The following TMLHE variants were observed in gnomAD, a reference collection of about 807,000 sequenced individuals.
TMLHE encodes the protein trimethyllysine hydroxylase, epsilon.
In TMLHE, 18 loss-of-function variants were observed where a neutral mutation model predicts 25.7. The observed-to-expected ratio is 0.70, with a 90% confidence interval of 0.48 to 1.04. The LOEUF is 1.04. Among genes scored for constraint, TMLHE ranks in the 50% least tolerant of loss-of-function variants. The pLI is 0.00. For synonymous variants in TMLHE, 105 were observed against 97.0 expected (o/e 1.08, Z -0.49); for missense variants, 236 against 259.0 (o/e 0.91, Z 0.61).
chrX:155,546,951 TTTC>T (rs2067349098), intron 1 of TMLHE, among the ~76,000 whole-genome samples: 1 of 110,782 alleles, frequency 9.0e-6, no homozygotes, highest in South Asian at 3.9e-4. Flanking sequence ...CAGACTAGAA[TTTC>T]TTCTTTGTAG....
chrX:155,525,995 T>C (rs2067217350), intron 2 of TMLHE, among the ~76,000 whole-genome samples: 1 of 112,770 alleles, frequency 8.9e-6, no homozygotes, highest in Non-Finnish European at 1.9e-5. Context: ...GGTTGTAAAA[T>C]GTGCAGTGAA....
At chrX:155,536,605 TCA>T (rs1471005504) in intron 2 of TMLHE, among the ~76,000 whole-genome samples, 2 of 111,629 alleles carry the variant, frequency 1.8e-5, no homozygotes, top group Non-Finnish European at 3.8e-5. Flanking sequence ...CTCCTTGAAA[TCA>T]CAGGAGAAAT....
At chrX:155,531,387 G>A (rs1211663176) in intron 2 of TMLHE, among the ~76,000 whole-genome samples, 1 of 111,223 alleles carries the variant, frequency 9.0e-6, no homozygotes, top group Non-Finnish European at 1.9e-5. Flanking sequence ...GTGAAGGGGA[G>A]CTAACATGAC....
intron 1 of TMLHE, among the ~76,000 whole-genome samples, chrX:155,576,001 A>C (rs1419763958): frequency 2.7e-5 from 3 of 111,901 alleles, no homozygotes; most frequent in African/African-American, 9.7e-5. Flanking sequence ...TGGCCAGAGC[A>C]GTCAGGCAAG....
At chrX:155,539,729 C>G (rs782744838) in intron 2 of TMLHE, among the ~76,000 whole-genome samples, 131 of 111,285 alleles carry the variant, frequency 1.2e-3, no homozygotes, top group Non-Finnish European at 1.7e-3. Context: ...TTACCAAAAA[C>G]TCAAAATAAG....
intron 4 of TMLHE, among the ~76,000 whole-genome samples, chrX:155,512,548 T>G (rs1257852640): frequency 9.0e-6 from 1 of 111,054 alleles, no homozygotes; most frequent in Admixed American, 9.6e-5. Context: ...TGTGCCACAT[T>G]TTCTTAATCC....
chrX:155,524,679 T>TA (rs782763994), intron 2 of TMLHE, 47 bp from the exon 3 acceptor site: 4 of 1,085,167 alleles, frequency 3.7e-6, no homozygotes, highest in East Asian at 6.5e-5. Context: ...GAGATAACTT[T>TA]AAAAAATCAG....
intron 1 of TMLHE, among the ~76,000 whole-genome samples, chrX:155,548,490 CT>C (rs2124420526): frequency 1.8e-5 from 2 of 108,825 alleles, no homozygotes; most frequent in East Asian, 5.8e-4. Context: ...AATCCCAGCA[CT>C]TTGGGAGGTC....
At chrX:155,574,199 A>G (rs1216486297) in intron 1 of TMLHE, among the ~76,000 whole-genome samples, 2 of 108,333 alleles carry the variant, frequency 1.8e-5, no homozygotes, top group Non-Finnish European at 3.8e-5. Context: ...CCAGGTAATG[A>G]GACAGCCAAA....
chrX:155,545,436 G>T (rs2067338572), intron 1 of TMLHE, among the ~76,000 whole-genome samples, 159 bp from the exon 2 acceptor site: 1 of 112,268 alleles, frequency 8.9e-6, no homozygotes, highest in African/African-American at 3.2e-5. Flanking sequence ...AAGCATAAGT[G>T]ATCTATAACC....
At chrX:155,580,407 C>A (rs1557344369) in intron 1 of TMLHE, among the ~76,000 whole-genome samples, 2 of 111,168 alleles carry the variant, frequency 1.8e-5, no homozygotes, top group African/African-American at 6.5e-5. Flanking sequence ...ATTAATATAA[C>A]CTCTACAGTA....
intron 1 of TMLHE, among the ~76,000 whole-genome samples, chrX:155,549,105 T>C (rs1257709177): frequency 1.8e-5 from 2 of 111,629 alleles, no homozygotes; most frequent in Non-Finnish European, 3.8e-5. Flanking sequence ...AATGCTGTAA[T>C]CTTAATAAAA....
chrX:155,552,734 T>C (rs1329322937), intron 1 of TMLHE, among the ~76,000 whole-genome samples: 1 of 110,153 alleles, frequency 9.1e-6, no homozygotes, highest in Non-Finnish European at 1.9e-5. Context: ...GTTCTTATCT[T>C]TGCTTCCTTC....
At chrX:155,518,305 T>G (rs1482218778) in intron 3 of TMLHE, among the ~76,000 whole-genome samples, 2 of 88,528 alleles carry the variant, frequency 2.3e-5, no homozygotes, top group Non-Finnish European at 4.4e-5. Context: ...TGGCTCTGTT[T>G]ATATGCTGGA....
chrX:155,557,056 G>T (rs2067462077), intron 1 of TMLHE, among the ~76,000 whole-genome samples: 1 of 111,538 alleles, frequency 9.0e-6, no homozygotes, highest in Admixed American at 9.5e-5. Flanking sequence ...CTTTTTTCAG[G>T]GTGCCCACAT....
intron 5 of TMLHE, among the ~76,000 whole-genome samples, chrX:155,511,205 C>T (rs1316786678): frequency 9.0e-6 from 1 of 110,790 alleles, no homozygotes; most frequent in African/African-American, 3.3e-5. Context: ...TGGCTTGGTG[C>T]TGTCTTCAGA....
At chrX:155,602,687 G>A (rs782298293) in intron 1 of TMLHE, among the ~76,000 whole-genome samples, 1 of 109,958 alleles carries the variant, frequency 9.1e-6, no homozygotes, top group South Asian at 3.8e-4. Context: ...ACATACACAT[G>A]GACACACACA....
At chrX:155,593,718 TAAG>T (rs782232927) in intron 1 of TMLHE, among the ~76,000 whole-genome samples, 7 of 110,235 alleles carry the variant, frequency 6.4e-5, no homozygotes, top group African/African-American at 2.3e-4. Context: ...ATGAACAAAA[TAAG>T]AAGGCTGACG....
At chrX:155,591,900 C>T (rs1392722348) in intron 1 of TMLHE, among the ~76,000 whole-genome samples, 3 of 112,032 alleles carry the variant, frequency 2.7e-5, no homozygotes, top group Non-Finnish European at 5.6e-5. Context: ...CACCCCCATG[C>T]TCACTGCAAC....
Sources: gnomAD v4.1 joint callset for allele counts (sites outside exome capture counted in the v4.1 genomes callset) on GRCh38, gnomAD v4.1.1 for gene constraint, MANE v1.5 for transcripts, NCBI Gene and HGNC (gene_info 2026-07-23, HGNC 2026-07-21) for gene names.